Variants in DOCK2 observed in about 807,000 individuals in gnomAD.
DOCK2 encodes the protein dedicator of cytokinesis 2.
In DOCK2, 87 loss-of-function variants were observed where a neutral mutation model predicts 248.9. The ratio of observed to expected loss-of-function variants is 0.35; its 90% CI spans 0.29 to 0.42. DOCK2 has a LOEUF of 0.42. Ranked by LOEUF, DOCK2 falls within the 10% of genes least tolerant of loss-of-function variation. The pLI is 1.00. For synonymous variants in DOCK2, 805 were observed against 821.6 expected (o/e 0.98, Z 0.35); for missense variants, 1,747 against 2,300.2 (o/e 0.76, Z 4.92).
At chr5:169,983,199 A>G in intron 28 of DOCK2, 33 bp downstream of exon 28, 1 of 1,606,258 alleles carries the variant, frequency 6.2e-7, no homozygotes, top group Non-Finnish European at 8.5e-7. Context: ...GTGAGGAAGA[A>G]CTCTTCCATC....
intron 2 of DOCK2, among the ~76,000 whole-genome samples, chr5:169,665,440 GTTTATATGTATATACACA>G (rs1758667380): frequency 1.6e-5 from 1 of 62,178 alleles, no homozygotes; most frequent in Non-Finnish European, 3.4e-5. Flanking sequence ...ATATACACAT[GTTTATATGTATATACACA>G]TGTTTATATG....
At chr5:169,963,794 T>C (rs1011794133) in intron 27 of DOCK2, among the ~76,000 whole-genome samples, 2 of 152,154 alleles carry the variant, frequency 1.3e-5, no homozygotes, top group African/African-American at 4.8e-5. Flanking sequence ...TCTAAGGCCC[T>C]GGCTCTTATC....
chr5:170,026,366 C>T (rs1042103790), intron 33 of DOCK2, among the ~76,000 whole-genome samples: 1 of 152,158 alleles, frequency 6.6e-6, no homozygotes, highest in African/African-American at 2.4e-5. Context: ...GAGGGTTGTA[C>T]CAAGCAAGGG....
intron 27 of DOCK2, among the ~76,000 whole-genome samples, chr5:169,931,985 C>G (rs1775778401): frequency 2.0e-5 from 3 of 152,308 alleles, no homozygotes; most frequent in Non-Finnish European, 4.4e-5. Flanking sequence ...AGGAACTGCT[C>G]TAGGTGCTAG....
At chr5:169,824,685 G>A (rs1041311585) in intron 26 of DOCK2, among the ~76,000 whole-genome samples, 8 of 152,146 alleles carry the variant, frequency 5.3e-5, no homozygotes, top group African/African-American at 1.9e-4. Flanking sequence ...AGAAAACCTA[G>A]GCAATACCAT....
intron 25 of DOCK2, among the ~76,000 whole-genome samples, chr5:169,780,335 G>GA (rs1765640980): frequency 7.0e-6 from 1 of 142,670 alleles, no homozygotes; most frequent in Non-Finnish European, 1.6e-5. Flanking sequence ...GTGTGTGTGT[G>GA]TGTGTTGAAT....
chr5:169,705,332 A>G (rs1175683957), intron 14 of DOCK2, among the ~76,000 whole-genome samples: 1 of 152,134 alleles, frequency 6.6e-6, no homozygotes, highest in African/African-American at 2.4e-5. Flanking sequence ...ATTCTGGTGA[A>G]AGAGAAAGGC....
chr5:169,668,016 C>T (rs1169145968), intron 2 of DOCK2, among the ~76,000 whole-genome samples: 8 of 152,118 alleles, frequency 5.3e-5, no homozygotes, highest in Admixed American at 4.6e-4. Flanking sequence ...TCAAATCATT[C>T]CCTCATAATA....
At chr5:170,062,491 C>T (rs1757367169) in intron 44 of DOCK2, among the ~76,000 whole-genome samples, 1 of 152,138 alleles carries the variant, frequency 6.6e-6, no homozygotes, top group Non-Finnish European at 1.5e-5. Flanking sequence ...CCTGCTCTGA[C>T]ACTGTGCTAT....
chr5:169,966,144 T>C (rs1329696684), intron 27 of DOCK2, among the ~76,000 whole-genome samples: 3 of 152,214 alleles, frequency 2.0e-5, no homozygotes. Context: ...AGATGAAATA[T>C]ATAATCCCAT....
chr5:170,079,322 G>A (rs1168202745), intron 49 of DOCK2, 176 bp downstream of exon 49: 4 of 850,654 alleles, frequency 4.7e-6, no homozygotes, highest in African/African-American at 1.7e-5. Flanking sequence ...CTCGTGCCCA[G>A]GCAGCTGGGG....
intron 2 of DOCK2, among the ~76,000 whole-genome samples, chr5:169,656,304 T>C (rs1283382928): frequency 6.6e-6 from 1 of 151,822 alleles, no homozygotes; most frequent in Non-Finnish European, 1.5e-5. Flanking sequence ...TCATCTAAGG[T>C]TGCACAGTGA....
chr5:169,663,772 A>G (rs897619294), intron 2 of DOCK2, among the ~76,000 whole-genome samples: 42 of 152,344 alleles, frequency 2.8e-4, no homozygotes, highest in African/African-American at 9.4e-4. Flanking sequence ...GGCCCAGCCC[A>G]CAAAACCATA....
intron 14 of DOCK2, among the ~76,000 whole-genome samples, chr5:169,702,935 G>A (rs1376134723): frequency 5.3e-5 from 8 of 152,146 alleles, no homozygotes; most frequent in African/African-American, 1.4e-4. Context: ...AGCCTTATTC[G>A]TAAATTGGTC....
At chr5:169,720,810 G>A (rs1344241192) in intron 22 of DOCK2, among the ~76,000 whole-genome samples, 4 of 152,188 alleles carry the variant, frequency 2.6e-5, no homozygotes, top group South Asian at 2.1e-4. Flanking sequence ...GGCTCACTGC[G>A]ATCTCCGCCT....
intron 27 of DOCK2, among the ~76,000 whole-genome samples, chr5:169,932,724 A>G (rs1775813324): frequency 6.6e-6 from 1 of 152,184 alleles, no homozygotes; most frequent in East Asian, 1.9e-4. Flanking sequence ...AGTGACTTAT[A>G]TTAGAAGGGA....
chr5:169,705,889 T>C (rs1026491509), intron 14 of DOCK2, among the ~76,000 whole-genome samples: 2 of 152,236 alleles, frequency 1.3e-5, no homozygotes, highest in Non-Finnish European at 2.9e-5. Flanking sequence ...TGATCCATAC[T>C]CAGATTTTCT....
rs565799730 is a variant in DOCK2, at chr5:169,894,804, C to T, written c.2799+53952C>T. Among the ~76,000 whole-genome samples the T allele has an allele frequency of 7.9e-5, 12 of 152,242 alleles. 1 individual carries two copies. In the South Asian group the frequency reaches 1.5e-3, roughly 18 times the overall value. On this transcript the variant is annotated intron_variant, in intron 27 of 51. Coordinates refer to ENST00000520908, the MANE Select transcript of DOCK2 (RefSeq NM_004946.3). ...CACTGGGCCCCAGGTTACACAGAGACGGGACAAAATCCCAGGTTTTGAGAG... is the reference window on the plus strand; with the variant it reads ...CACTGGGCCCCAGGTTACACAGAGATGGGACAAAATCCCAGGTTTTGAGAG...
chr5:169,784,152 T>C (rs1288694793), intron 25 of DOCK2, among the ~76,000 whole-genome samples: 1 of 152,116 alleles, frequency 6.6e-6, no homozygotes. Context: ...AACACAACAG[T>C]TTCAAAATGC....
Sources: allele counts gnomAD v4.1 joint callset (sites outside exome capture counted in the v4.1 genomes callset), GRCh38; gene constraint gnomAD v4.1.1; transcripts MANE v1.5; gene names NCBI Gene and HGNC (gene_info 2026-07-23, HGNC 2026-07-21).